Variants in PELI2 observed in about 807,000 individuals in gnomAD.
The protein encoded by PELI2 is pellino E3 ubiquitin protein ligase family member 2, also known as E3 ubiquitin-protein ligase pellino homolog 2.
A neutral mutation model predicts 42.3 loss-of-function variants in PELI2; 23 were observed. That is an observed-to-expected ratio of 0.54 (90% confidence interval 0.39 to 0.77). PELI2 has a LOEUF of 0.77. Ranked by LOEUF, PELI2 falls within the 30% of genes least tolerant of loss-of-function variation. PELI2 has a pLI of 0.00. For synonymous variants in PELI2, 245 were observed against 212.2 expected (o/e 1.15, Z -1.34); for missense variants, 463 against 553.2 (o/e 0.84, Z 1.64).
chr14:56,162,463 G>A (rs1884799134), intron 1 of PELI2, among the ~76,000 whole-genome samples: 1 of 152,158 alleles, frequency 6.6e-6, no homozygotes, highest in African/African-American at 2.4e-5. Flanking sequence ...TTTTATGGCT[G>A]AATAGTACTC....
intron 1 of PELI2, among the ~76,000 whole-genome samples, chr14:56,139,582 C>T (rs927922027): frequency 3.9e-5 from 6 of 152,044 alleles, no homozygotes; most frequent in Admixed American, 6.6e-5. Context: ...TTTAGATTTA[C>T]TTTTGTTAAG....
chr14:56,189,939 C>A (rs535731266), intron 2 of PELI2, among the ~76,000 whole-genome samples: 1 of 152,300 alleles, frequency 6.6e-6, no homozygotes, highest in African/African-American at 2.4e-5. Flanking sequence ...AATGTACTTA[C>A]CAATTACAAC....
At chr14:56,149,273 A>C (rs1442536250) in intron 1 of PELI2, among the ~76,000 whole-genome samples, 1 of 152,196 alleles carries the variant, frequency 6.6e-6, no homozygotes, top group East Asian at 1.9e-4. Context: ...CCTCATATCC[A>C]TGGTTATTGA....
chr14:56,268,578 CTT>C (rs1486562558), intron 2 of PELI2, among the ~76,000 whole-genome samples: 1 of 152,148 alleles, frequency 6.6e-6, no homozygotes, highest in Non-Finnish European at 1.5e-5. Context: ...ACCTTCATTT[CTT>C]CCCCTGCGGC....
At chr14:56,136,052 A>C (rs895791923) in intron 1 of PELI2, among the ~76,000 whole-genome samples, 1 of 152,230 alleles carries the variant, frequency 6.6e-6, no homozygotes, top group Admixed American at 6.5e-5. Context: ...AGATGTAGAA[A>C]ACTGGGACCC....
At chr14:56,199,870 GGT>G (rs1886269440) in intron 2 of PELI2, among the ~76,000 whole-genome samples, 2 of 152,210 alleles carry the variant, frequency 1.3e-5, no homozygotes, top group Admixed American at 6.5e-5. Context: ...ATACACAGGT[GGT>G]GCTCAATAAA....
At chr14:56,216,851 C>A (rs563852273) in intron 2 of PELI2, among the ~76,000 whole-genome samples, 3 of 152,260 alleles carry the variant, frequency 2.0e-5, no homozygotes, top group African/African-American at 7.2e-5. Context: ...TTGACAGTTA[C>A]TGCTTCTCTT....
intron 1 of PELI2, among the ~76,000 whole-genome samples, chr14:56,144,247 C>T (rs1884026842): frequency 6.6e-6 from 1 of 152,142 alleles, no homozygotes; most frequent in Non-Finnish European, 1.5e-5. Context: ...ACCAGAGAAA[C>T]AGAACTAGCA....
rs1340435489 is a variant in PELI2 at position 56,299,143 on chromosome 14, G to A, written c.*1977G>A. On this transcript the variant is annotated 3_prime_UTR_variant, in exon 6 of 6. Coordinates refer to ENST00000267460, the MANE Select transcript of PELI2 (RefSeq NM_021255.3). Reference sequence around the variant, plus strand: ...AGAAAGTGGTTGAAGGATTCTTGATGCCCTAAAACCATCTTGTAAGCTAAA... The same window carrying A: ...AGAAAGTGGTTGAAGGATTCTTGATACCCTAAAACCATCTTGTAAGCTAAA... 6.6e-6 allele frequency: 1 copy of A among 152,100 alleles called. No homozygotes were observed. Among genetic ancestry groups the A allele is most frequent in the East Asian group, 1.9e-4 (1 of 5,180 alleles). 9.4% of individuals were successfully genotyped at this position (152,100 alleles called of 1,614,324 possible).
chr14:56,288,532 C>G lies in PELI2; in HGVS notation c.405C>G (p.Thr135=). The change falls in exon 4 of 6, where the codon ACC becomes ACG. Residue 135 remains threonine (T), a synonymous_variant. Coordinates refer to ENST00000267460, the MANE Select transcript of PELI2 (RefSeq NM_021255.3). This position sits in a 1 kb window ranked among gnomAD's most constrained non-coding sequence, Gnocchi z 4.6. The part of the protein sequence containing the change: ...NTDEAQITQS[T]ISRFACRIVC... ...ACGAAGCCCAGATCACACAGAGCAC[C>G]ATATCCAGGTTCGCCTGCAGGATCG... is the stretch of plus-strand genomic sequence containing the variant. The G allele has an allele frequency of 6.2e-7, 1 of 1,614,066 alleles. No homozygotes were observed. The highest frequency in any genetic ancestry group is 8.5e-7 in the Non-Finnish European group (1 of 1,179,934).
rs369059240 is a variant in PELI2, at chr14:56,283,983, G to A, written c.309+4206G>A. Among the ~76,000 whole-genome samples the A allele has an allele frequency of 2.8e-4, 42 of 152,230 alleles. 1 individual carries two copies. The highest frequency in any genetic ancestry group is 9.8e-4 in the Admixed American group (15 of 15,306). Reference sequence around the variant, plus strand: ...TGACAAAAATCACTGAGCAAAAAGCGCGACAGCACTCATAGTTCTGAAGTA... The same window carrying A: ...TGACAAAAATCACTGAGCAAAAAGCACGACAGCACTCATAGTTCTGAAGTA... On this transcript the variant is annotated intron_variant, in intron 3 of 5. Transcript: ENST00000267460.
chr14:56,229,690 T>A (rs562896368), intron 2 of PELI2, among the ~76,000 whole-genome samples: 1 of 151,998 alleles, frequency 6.6e-6, no homozygotes, highest in South Asian at 2.1e-4. Context: ...GTGCCTCTTC[T>A]CCCCCAAAGG....
Position 56,214,024 on chromosome 14 carries a change from G to C in PELI2, c.207+35560G>C, listed in dbSNP as rs558811927. ...GCGACACTATGCCCAACTAATTTTT[G>C]TATTTTTTGGTAGGGACGGGGTTTC... On this transcript the variant is annotated intron_variant, in intron 2 of 5. Coordinates refer to ENST00000267460, the MANE Select transcript of PELI2 (RefSeq NM_021255.3). Among the ~76,000 whole-genome samples the C allele has an allele frequency of 1.0e-3, 153 of 152,176 alleles. 1 individual carries two copies. Among genetic ancestry groups the C allele is most frequent in the Non-Finnish European group, 1.9e-3 (126 of 68,010 alleles).
At chr14:56,231,955 C>T (rs913403415) in intron 2 of PELI2, among the ~76,000 whole-genome samples, 9 of 152,250 alleles carry the variant, frequency 5.9e-5, no homozygotes, top group African/African-American at 1.9e-4. Context: ...GAAATACAAA[C>T]CACCATCAGA....
At chr14:56,134,814 C>T (rs1480273388) in intron 1 of PELI2, among the ~76,000 whole-genome samples, 1 of 149,108 alleles carries the variant, frequency 6.7e-6, no homozygotes, top group Non-Finnish European at 1.5e-5. Context: ...TTGAATATAG[C>T]AGGAAAATAT....
chr14:56,272,037 A>G (rs1889125500), intron 2 of PELI2, among the ~76,000 whole-genome samples: 1 of 152,218 alleles, frequency 6.6e-6, no homozygotes, highest in Non-Finnish European at 1.5e-5. Context: ...TTCAGCATAC[A>G]AGCCACACCA....
intron 5 of PELI2, chr14:56,292,707 T>A (rs958115074): frequency 2.3e-6 from 2 of 886,038 alleles, no homozygotes; most frequent in African/African-American, 3.6e-5. Context: ...CCGTTGTTTT[T>A]CATTATTACA....
chr14:56,193,634 C>T (rs1219827306), intron 2 of PELI2, among the ~76,000 whole-genome samples: 1 of 152,170 alleles, frequency 6.6e-6, no homozygotes, highest in Non-Finnish European at 1.5e-5. Context: ...AACTGAATTA[C>T]ATTGACCAGT....
chr14:56,170,810 A>G (rs1388594747), intron 1 of PELI2, among the ~76,000 whole-genome samples: 1 of 152,222 alleles, frequency 6.6e-6, no homozygotes, highest in Non-Finnish European at 1.5e-5. Flanking sequence ...CCCTTACTGT[A>G]AAGACCAACT....
Sources: allele counts gnomAD v4.1 joint callset (sites outside exome capture counted in the v4.1 genomes callset), GRCh38; gene constraint gnomAD v4.1.1; non-coding constraint Gnocchi (gnomAD v3.1); transcripts MANE v1.5; gene names NCBI Gene and HGNC (gene_info 2026-07-23, HGNC 2026-07-21).